SNX29: variants seen among roughly 807,000 people sequenced by gnomAD.
SNX29 encodes sorting nexin 29.
In SNX29, 78 loss-of-function variants were observed where a neutral mutation model predicts 102.1. The ratio of observed to expected loss-of-function variants is 0.76; its 90% CI spans 0.64 to 0.92. The LOEUF is 0.92. Ranked by LOEUF, SNX29 falls within the 40% of genes least tolerant of loss-of-function variation. The pLI is 0.00. For missense variants in SNX29, 1,280 were observed against 1,061.7 expected, an observed-to-expected ratio of 1.21 and a Z score of -2.86; for synonymous variants, 580 against 414.5, an observed-to-expected ratio of 1.40 and a Z score of -4.85.
intron 15 of SNX29, among the ~76,000 whole-genome samples, chr16:12,345,960 C>A (rs539220870): frequency 6.6e-6 from 1 of 152,254 alleles, no homozygotes; most frequent in African/African-American, 2.4e-5. Context: ...CACACAGTCC[C>A]GTCAGCTTCA....
intron 18 of SNX29, among the ~76,000 whole-genome samples, chr16:12,437,334 G>A (rs1329101479): frequency 6.6e-6 from 1 of 152,280 alleles, no homozygotes; most frequent in East Asian, 1.9e-4. Flanking sequence ...CTCAGCTCAG[G>A]ATGGAGTGGA....
intron 14 of SNX29, among the ~76,000 whole-genome samples, chr16:12,200,715 C>G (rs1212451485): frequency 6.6e-6 from 1 of 152,172 alleles, no homozygotes; most frequent in Non-Finnish European, 1.5e-5. Flanking sequence ...GAACTCCTGA[C>G]TCCAGGTGAT....
intron 20 of SNX29, among the ~76,000 whole-genome samples, chr16:12,553,513 A>G (rs1440630296): frequency 6.6e-6 from 1 of 152,102 alleles, no homozygotes; most frequent in Non-Finnish European, 1.5e-5. Flanking sequence ...ACTTGCCATC[A>G]CAGTGCTGGA....
rs58850363 is a variant in SNX29 at position 12,321,075 on chromosome 16, C to A, written c.1783-35088C>A. ...GCCTCCTCCAGGAGGTCCTTACCAC[C>A]ATCCCGGTTCCCTCCGCTGCCTCCT... is the stretch of plus-strand genomic sequence containing the variant. On this transcript the variant is annotated intron_variant, in intron 15 of 20. Coordinates refer to ENST00000566228, the MANE Select transcript of SNX29 (RefSeq NM_032167.5). 4.1e-3 allele frequency among the ~76,000 whole-genome samples: 618 copies of A among 152,252 alleles called. 2 individuals carry two copies. The highest frequency in any genetic ancestry group is 0.014 in the African/African-American group (585 of 41,566).
At chr16:12,162,006 C>T (rs781404696) in intron 13 of SNX29, among the ~76,000 whole-genome samples, 10 of 152,304 alleles carry the variant, frequency 6.6e-5, no homozygotes, top group East Asian at 1.9e-4. Flanking sequence ...GAATCCCTCA[C>T]CACCCCTGTT....
chr16:12,141,348 A>G (rs1357109833), intron 13 of SNX29, among the ~76,000 whole-genome samples: 1 of 152,236 alleles, frequency 6.6e-6, no homozygotes, highest in Non-Finnish European at 1.5e-5. Context: ...TATGCTGTAA[A>G]TGCTGGTAGT....
At chr16:12,425,455 C>T (rs1456907542) in intron 18 of SNX29, among the ~76,000 whole-genome samples, 1 of 150,302 alleles carries the variant, frequency 6.7e-6, no homozygotes, top group Non-Finnish European at 1.5e-5. Context: ...GGCCCAGGAG[C>T]CCTGGCTGCA....
intron 13 of SNX29, among the ~76,000 whole-genome samples, chr16:12,156,068 G>C (rs562134109): frequency 6.6e-6 from 1 of 152,144 alleles, no homozygotes; most frequent in Non-Finnish European, 1.5e-5. Context: ...CGTGCGTGGC[G>C]CACACCCCCC....
At chr16:12,321,381 C>A (rs2080925526) in intron 15 of SNX29, among the ~76,000 whole-genome samples, 1 of 152,178 alleles carries the variant, frequency 6.6e-6, no homozygotes, top group East Asian at 1.9e-4. Flanking sequence ...AACATCTCAG[C>A]CTTTCAGAAT....
chr16:12,261,227 T>G (rs2078746164), intron 14 of SNX29, among the ~76,000 whole-genome samples: 1 of 135,532 alleles, frequency 7.4e-6, no homozygotes, highest in Admixed American at 7.6e-5. Context: ...GAGTGAGTGT[T>G]TGCTGAGCTC....
chr16:12,453,386 C>G (rs1008452283), intron 18 of SNX29, among the ~76,000 whole-genome samples: 17 of 152,218 alleles, frequency 1.1e-4, no homozygotes, highest in African/African-American at 3.9e-4. Flanking sequence ...GAAATCCTTA[C>G]TGGCGGTGTG....
At chr16:12,444,566 A>T (rs555350852) in intron 18 of SNX29, among the ~76,000 whole-genome samples, 1 of 152,186 alleles carries the variant, frequency 6.6e-6, no homozygotes, top group African/African-American at 2.4e-5. Flanking sequence ...TGTAGGGGGA[A>T]TTCTTGTTCC....
At chr16:12,337,691 C>A (rs1237690497) in intron 15 of SNX29, among the ~76,000 whole-genome samples, 1 of 152,088 alleles carries the variant, frequency 6.6e-6, no homozygotes, top group Non-Finnish European at 1.5e-5. Context: ...ACCCATTTGC[C>A]CCAGATTTTA....
At chr16:12,027,576 T>C in intron 4 of SNX29, 132 bp downstream of exon 4, 1 of 1,073,258 alleles carries the variant, frequency 9.3e-7, no homozygotes. Context: ...GGCACAGAAA[T>C]CCATGTCTTA....
At chr16:12,309,927 G>A (rs2080473690) in intron 15 of SNX29, among the ~76,000 whole-genome samples, 1 of 152,304 alleles carries the variant, frequency 6.6e-6, no homozygotes, top group African/African-American at 2.4e-5. Context: ...GTGCGAGTTT[G>A]TATTTTGTCT....
chr16:12,494,431 G>T (rs1478122479), intron 19 of SNX29, among the ~76,000 whole-genome samples: 2 of 152,206 alleles, frequency 1.3e-5, no homozygotes, highest in African/African-American at 4.8e-5. Context: ...TCTTGCGTCA[G>T]TGGAGGCTGG....
At chr16:12,362,739 G>A (rs867299272) in intron 16 of SNX29, among the ~76,000 whole-genome samples, 5 of 151,908 alleles carry the variant, frequency 3.3e-5, no homozygotes, top group Non-Finnish European at 7.4e-5. Flanking sequence ...GCCCTGACAA[G>A]GTCACACTTT....
chr16:12,154,759 C>T (rs994659326), intron 13 of SNX29, among the ~76,000 whole-genome samples: 1 of 152,180 alleles, frequency 6.6e-6, no homozygotes, highest in Non-Finnish European at 1.5e-5. Context: ...TGGGGAGGGC[C>T]TGTTTGCTGG....
At chr16:12,308,025 A>G (rs538163025) in intron 15 of SNX29, among the ~76,000 whole-genome samples, 82 of 152,330 alleles carry the variant, frequency 5.4e-4, no homozygotes, top group African/African-American at 2.0e-3. Flanking sequence ...TTCTGCCTTC[A>G]TGGTGCTCAT....
Sources: allele counts gnomAD v4.1 joint callset (sites outside exome capture counted in the v4.1 genomes callset), GRCh38; gene constraint gnomAD v4.1.1; transcripts MANE v1.5; gene names NCBI Gene and HGNC (gene_info 2026-07-23, HGNC 2026-07-21).